ATP8A2: variants seen among roughly 807,000 people sequenced by gnomAD.
The protein encoded by ATP8A2 is phospholipid-transporting ATPase IB.
ATP8A2 carries 100 observed loss-of-function variants against 165.6 expected under a neutral mutation model. The ratio of observed to expected loss-of-function variants is 0.60; its 90% CI spans 0.51 to 0.71. The LOEUF (loss-of-function observed/expected upper bound fraction) is 0.71. Among genes scored for constraint, ATP8A2 ranks in the 30% least tolerant of loss-of-function variants. ATP8A2 has a pLI of 0.00. For synonymous variants in ATP8A2, 543 were observed against 548.8 expected (o/e 0.99, Z 0.15); for missense variants, 1,227 against 1,479.5 (o/e 0.83, Z 2.80).
chr13:25,794,376 G>A (rs1950454301), intron 27 of ATP8A2, among the ~76,000 whole-genome samples: 1 of 152,204 alleles, frequency 6.6e-6, no homozygotes, highest in Non-Finnish European at 1.5e-5. Flanking sequence ...GCTTTGCTGT[G>A]CAAATGCATT....
At chr13:25,796,691 C>T (rs559096444) in intron 27 of ATP8A2, among the ~76,000 whole-genome samples, 1 of 152,300 alleles carries the variant, frequency 6.6e-6, no homozygotes, top group African/African-American at 2.4e-5. Flanking sequence ...GAGCCCTTAT[C>T]TGGATTCCTT....
intron 12 of ATP8A2, among the ~76,000 whole-genome samples, chr13:25,554,510 CAT>C (rs1491103486): frequency 0.012 from 1,246 of 105,814 alleles, 15 homozygotes; most frequent in African/African-American, 0.038. Context: ...AAATATAAAT[CAT>C]GTGTGTGTGT....
chr13:25,830,462 A>G lies in ATP8A2; in HGVS notation c.2754+2270A>G, dbSNP rs139212175. Among the ~76,000 whole-genome samples the G allele has an allele frequency of 4.2e-3, 637 of 152,246 alleles. 4 individuals carry two copies. Among genetic ancestry groups the G allele is most frequent in the African/African-American group, 0.014 (590 of 41,550 alleles). ...ACTGAGTCCACAGTGCAGGCATTGA[A>G]GTGGGCTGCCAGTGAGTGCTGGCAG... is the stretch of plus-strand genomic sequence containing the variant. On this transcript the variant is annotated intron_variant, in intron 28 of 36. Coordinates refer to ENST00000381655, the MANE Select transcript of ATP8A2 (RefSeq NM_016529.6).
intron 33 of ATP8A2, among the ~76,000 whole-genome samples, chr13:25,862,919 G>A (rs1011371678): frequency 2.6e-5 from 4 of 152,168 alleles, no homozygotes; most frequent in Admixed American, 1.3e-4. Flanking sequence ...GGCTGAGATT[G>A]AAGACCTTTA....
At chr13:25,858,910 C>T (rs1952250272) in intron 30 of ATP8A2, among the ~76,000 whole-genome samples, 1 of 152,098 alleles carries the variant, frequency 6.6e-6, no homozygotes, top group South Asian at 2.1e-4. Context: ...GCTTGAAAAA[C>T]TACCCATTGG....
At chr13:25,859,782 T>C (rs941184554) in intron 30 of ATP8A2, among the ~76,000 whole-genome samples, 6 of 152,140 alleles carry the variant, frequency 3.9e-5, no homozygotes, top group South Asian at 4.1e-4. Flanking sequence ...TTTTTATTGG[T>C]CCATAATTCC....
intron 27 of ATP8A2, among the ~76,000 whole-genome samples, chr13:25,783,345 C>T (rs954203761): frequency 1.3e-5 from 2 of 152,134 alleles, no homozygotes; most frequent in Non-Finnish European, 2.9e-5. Flanking sequence ...AGAGAAGTTT[C>T]CCATTGGACA....
chr13:25,754,084 T>G lies in ATP8A2; in HGVS notation c.2385-14962T>G, dbSNP rs887994815. On this transcript the variant is annotated intron_variant, in intron 25 of 36. Transcript: ENST00000381655. ...CCTGCCTTATCACTGCGTAACGCCT[T>G]GGAGGCCATAGGCTATCTCTGCACA... Among the ~76,000 whole-genome samples the G allele has an allele frequency of 2.0e-5, 3 of 152,254 alleles. No individual in the cohort carries two copies. The South Asian group carries it at 6.2e-4, about 31-fold the overall frequency.
intron 33 of ATP8A2, among the ~76,000 whole-genome samples, chr13:25,923,935 G>C (rs1954528955): frequency 6.6e-6 from 1 of 152,156 alleles, no homozygotes; most frequent in Non-Finnish European, 1.5e-5. Context: ...TGATAGTATA[G>C]TTACAGTGTC....
At chr13:25,767,385 C>T (rs2044513752) in intron 25 of ATP8A2, among the ~76,000 whole-genome samples, 2 of 152,182 alleles carry the variant, frequency 1.3e-5, no homozygotes, top group African/African-American at 4.8e-5. Context: ...TTCTATTCTG[C>T]TCTCAGTTGC....
At chr13:25,618,886 G>A (rs1010242034) in intron 24 of ATP8A2, among the ~76,000 whole-genome samples, 1 of 152,050 alleles carries the variant, frequency 6.6e-6, no homozygotes, top group Admixed American at 6.5e-5. Context: ...CCGCTTCTTA[G>A]CATTGAAATG....
intron 33 of ATP8A2, among the ~76,000 whole-genome samples, chr13:25,925,233 A>T (rs1368015836): frequency 6.6e-6 from 1 of 152,156 alleles, no homozygotes; most frequent in East Asian, 1.9e-4. Flanking sequence ...TATTCAGACT[A>T]AAAAAATTAT....
In ATP8A2 at chr13:25,570,502, C is replaced by T. The variant is rs974365743; in HGVS notation, c.1474-265C>T. Among the ~76,000 whole-genome samples the T allele has an allele frequency of 7.2e-5, 11 of 152,136 alleles. No individual in the cohort carries two copies. The East Asian group carries it at 1.3e-3, about 19-fold the overall frequency. On this transcript the variant is annotated intron_variant, in intron 16 of 36. Coordinates refer to ENST00000381655, the MANE Select transcript of ATP8A2 (RefSeq NM_016529.6). The stretch of plus-strand genomic sequence containing the variant: ...GTGTGGAGGTACAGGAAGGCTCTTT[C>T]GTCTTTTCTCTCCCCATCTCTTGAG...
chr13:25,924,877 A>T (rs770549022), intron 33 of ATP8A2, among the ~76,000 whole-genome samples: 1 of 152,142 alleles, frequency 6.6e-6, no homozygotes, highest in Non-Finnish European at 1.5e-5. Context: ...TCCCCTGCAC[A>T]CACTCTCTTG....
At chr13:25,570,966 C>G in intron 17 of ATP8A2, 94 bp downstream of exon 17, 1 of 880,970 alleles carries the variant, frequency 1.1e-6, no homozygotes, top group Non-Finnish European at 1.7e-6. Context: ...TAGTCCGTCC[C>G]ACAGACTCGG....
Position 25,436,846 on chromosome 13 carries a change from G to A in ATP8A2, c.77-32131G>A, listed in dbSNP as rs146517969. ...GCTGGAGTCCAGTGGCACAATCACA[G>A]TTCCACTGCAGCCTCGGCCTCTCAG... is the stretch of plus-strand genomic sequence containing the variant. On this transcript the variant is annotated intron_variant, in intron 1 of 36. Coordinates refer to ENST00000381655, the MANE Select transcript of ATP8A2 (RefSeq NM_016529.6). Among the ~76,000 whole-genome samples, 355 of 151,634 alleles carry A rather than the reference G, an allele frequency of 2.3e-3. 1 individual carries two copies. Among genetic ancestry groups the A allele is most frequent in the African/African-American group, 7.7e-3 (316 of 41,296 alleles).
intron 25 of ATP8A2, among the ~76,000 whole-genome samples, chr13:25,734,216 C>G (rs891652150): frequency 3.3e-5 from 5 of 152,186 alleles, no homozygotes; most frequent in African/African-American, 7.2e-5. Context: ...ACCCTCCTTC[C>G]TAATTACCTT....
At chr13:25,722,871 A>G (rs1378896408) in intron 25 of ATP8A2, among the ~76,000 whole-genome samples, 1 of 152,208 alleles carries the variant, frequency 6.6e-6, no homozygotes, top group Non-Finnish European at 1.5e-5. Flanking sequence ...CATAGTTTCT[A>G]TAATGAATCA....
intron 2 of ATP8A2, among the ~76,000 whole-genome samples, chr13:25,508,105 C>T (rs952960839): frequency 6.6e-5 from 10 of 152,146 alleles, no homozygotes; most frequent in African/African-American, 2.4e-4. Flanking sequence ...ATATCTGTTG[C>T]TGGCAGGAAT....
Sources: allele counts gnomAD v4.1 joint callset (sites outside exome capture counted in the v4.1 genomes callset), GRCh38; gene constraint gnomAD v4.1.1; transcripts MANE v1.5; gene names NCBI Gene and HGNC (gene_info 2026-07-23, HGNC 2026-07-21).